Variants in FBXO10 observed in about 807,000 individuals in gnomAD.
The protein encoded by FBXO10 is F-box only protein 10.
In FBXO10, 39 loss-of-function variants were observed where a neutral mutation model predicts 80.7. The observed-to-expected ratio is 0.48, with a 90% CI of 0.37 to 0.63. The LOEUF (loss-of-function observed/expected upper bound fraction) is 0.63. Ranked by LOEUF, FBXO10 falls within the 30% of genes least tolerant of loss-of-function variation. FBXO10 has a pLI of 0.00. For missense variants in FBXO10, 1,025 were observed against 1,269.0 expected, an observed-to-expected ratio of 0.81 and a Z score of 2.92; for synonymous variants, 449 against 489.6, an observed-to-expected ratio of 0.92 and a Z score of 1.09.
At chr9:37,513,606 C>T (rs914833120) in intron 10 of FBXO10, among the ~76,000 whole-genome samples, 4 of 151,066 alleles carry the variant, frequency 2.6e-5, no homozygotes, top group African/African-American at 9.7e-5. Context: ...TATATTTTTT[C>T]CGAGACGGAG....
intron 1 of FBXO10, among the ~76,000 whole-genome samples, chr9:37,568,772 C>A (rs1822673505): frequency 6.6e-6 from 1 of 152,086 alleles, no homozygotes; most frequent in Non-Finnish European, 1.5e-5. Context: ...GGTCTAAGGT[C>A]GCTGTACTGT....
intron 4 of FBXO10, among the ~76,000 whole-genome samples, chr9:37,531,388 G>A (rs1167303808): frequency 6.6e-6 from 1 of 152,146 alleles, no homozygotes; most frequent in Non-Finnish European, 1.5e-5. Flanking sequence ...AAAGGAGCTG[G>A]TCTCTCGTGT....
chr9:37,564,773 C>G (rs1013676748), intron 1 of FBXO10, among the ~76,000 whole-genome samples: 1 of 152,200 alleles, frequency 6.6e-6, no homozygotes, highest in Non-Finnish European at 1.5e-5. Flanking sequence ...AACTAGCTTG[C>G]CTTTGATTTT....
intron 5 of FBXO10, among the ~76,000 whole-genome samples, chr9:37,527,219 A>T (rs1191932964): frequency 6.6e-6 from 1 of 152,162 alleles, no homozygotes; most frequent in Non-Finnish European, 1.5e-5. Flanking sequence ...GCCCACCTGT[A>T]TCATCCAAAA....
In FBXO10 at chr9:37,547,018, C is replaced by G. The variant is rs182553023; in HGVS notation, c.-6-5244G>C. On this transcript the variant is annotated intron_variant, in intron 1 of 10. Transcript: ENST00000432825. Reference sequence around the variant, plus strand: ...TAGAAAAGTGTTTCAGTTTCTTCTACAGTTAAATGCATACCTATCCTATGA... The same window carrying G: ...TAGAAAAGTGTTTCAGTTTCTTCTAGAGTTAAATGCATACCTATCCTATGA... Among the ~76,000 whole-genome samples, 8 of 152,284 alleles carry G rather than the reference C, an allele frequency of 5.3e-5. No individual in the cohort carries two copies. The East Asian group carries it at 1.5e-3, about 29-fold the overall frequency.
chr9:37,510,943 T>A lies in FBXO10; in HGVS notation c.*1604A>T, dbSNP rs755139003. 6 of 152,708 alleles carry A rather than the reference T, an allele frequency of 3.9e-5. No homozygotes were observed. Among genetic ancestry groups the A allele is most frequent in the Non-Finnish European group, 8.8e-5 (6 of 68,056 alleles). 9.5% of individuals were successfully genotyped at this position (152,708 alleles called of 1,614,324 possible). On this transcript the variant is annotated 3_prime_UTR_variant, in exon 11 of 11. Coordinates refer to ENST00000432825, the MANE Select transcript of FBXO10 (RefSeq NM_012166.3). The stretch of plus-strand genomic sequence containing the variant: ...TTTTGGTTACTGAGGTTTTTGTTAC[T>A]GTTGGTTCACAGAAAAGTCATTTCT...
chr9:37,534,292 AAAG>A (rs2075134726), intron 3 of FBXO10, among the ~76,000 whole-genome samples: 2 of 152,220 alleles, frequency 1.3e-5, no homozygotes, highest in Admixed American at 1.3e-4. Context: ...GAGAAAGTAG[AAAG>A]AATATACACA....
At chr9:37,559,312 C>A (rs1478743478) in intron 1 of FBXO10, among the ~76,000 whole-genome samples, 1 of 152,126 alleles carries the variant, frequency 6.6e-6, no homozygotes, top group Non-Finnish European at 1.5e-5. Flanking sequence ...AGGGCCCCAC[C>A]CACACTTTGA....
At chr9:37,544,870 T>C (rs1822012944) in intron 1 of FBXO10, among the ~76,000 whole-genome samples, 1 of 151,426 alleles carries the variant, frequency 6.6e-6, no homozygotes, top group African/African-American at 2.4e-5. Context: ...GGCGGGTGCC[T>C]GTAGTCCCAG....
At chr9:37,547,566 G>A (rs546837517) in intron 1 of FBXO10, among the ~76,000 whole-genome samples, 56 of 152,238 alleles carry the variant, frequency 3.7e-4, no homozygotes, top group Middle Eastern at 6.8e-3. Flanking sequence ...AAACATGATC[G>A]CATCACTGCA....
Position 37,520,649 on chromosome 9 carries a change from C to A in FBXO10, c.2200+920G>T, listed in dbSNP as rs142155093. ...AAAGTCCTGGGATTACAGGCTTGAT[C>A]CCTGGCACCTGGCCTCCATTTTTCA... On this transcript the variant is annotated intron_variant, in intron 8 of 10. Coordinates refer to ENST00000432825, the MANE Select transcript of FBXO10 (RefSeq NM_012166.3). Among the ~76,000 whole-genome samples the A allele has an allele frequency of 8.0e-3, 1,214 of 151,424 alleles. 17 individuals are homozygous for A. The highest frequency in any genetic ancestry group is 0.028 in the African/African-American group (1,144 of 41,322).
chr9:37,530,965 T>C (rs1422414614), intron 4 of FBXO10, among the ~76,000 whole-genome samples: 1 of 152,208 alleles, frequency 6.6e-6, no homozygotes, highest in Non-Finnish European at 1.5e-5. Flanking sequence ...TTATGGGCAG[T>C]TAAGATATGA....
chr9:37,531,759 C>T, intron 4 of FBXO10, 150 bp downstream of exon 4: 1 of 707,304 alleles, frequency 1.4e-6, no homozygotes. Context: ...GACAGAGACA[C>T]AGAGTCACAA....
intron 1 of FBXO10, among the ~76,000 whole-genome samples, chr9:37,570,302 G>A (rs2119201108): frequency 6.6e-6 from 1 of 151,550 alleles, no homozygotes; most frequent in East Asian, 1.9e-4. Flanking sequence ...CAACAAGAGT[G>A]AAAGTCTGTC....
chr9:37,564,938 A>G (rs1347473119), intron 1 of FBXO10, among the ~76,000 whole-genome samples: 4 of 152,238 alleles, frequency 2.6e-5, no homozygotes, highest in Non-Finnish European at 5.9e-5. Flanking sequence ...GGGAGGGCCC[A>G]GGGGCAGAAT....
chr9:37,529,832 G>A (rs1475868762), intron 4 of FBXO10, among the ~76,000 whole-genome samples: 1 of 144,932 alleles, frequency 6.9e-6, no homozygotes, highest in African/African-American at 2.6e-5. Context: ...AATGCCAAGA[G>A]ATATCTTTTT....
At chr9:37,541,161 C>T (rs368515709) in intron 2 of FBXO10, 23 bp downstream of exon 2, 40 of 1,550,974 alleles carry the variant, frequency 2.6e-5, no homozygotes, top group African/African-American at 2.1e-4. Context: ...CTAGAAAGGC[C>T]GTCTATTGAT....
chr9:37,543,167 C>CA (rs1821969120), intron 1 of FBXO10, among the ~76,000 whole-genome samples: 2 of 152,208 alleles, frequency 1.3e-5, no homozygotes, highest in Non-Finnish European at 2.9e-5. Context: ...TTATTCTGAA[C>CA]ACCTATGGGC....
chr9:37,543,252 G>A (rs930273054), intron 1 of FBXO10, among the ~76,000 whole-genome samples: 1 of 152,158 alleles, frequency 6.6e-6, no homozygotes, highest in Admixed American at 6.5e-5. Flanking sequence ...TATATCACAT[G>A]ATTATAGAGG....
Sources: gnomAD v4.1 joint callset for allele counts (sites outside exome capture counted in the v4.1 genomes callset) on GRCh38, gnomAD v4.1.1 for gene constraint, MANE v1.5 for transcripts, NCBI Gene and HGNC (gene_info 2026-07-23, HGNC 2026-07-21) for gene names.